The following LSAMP variants were observed in gnomAD, a reference collection of about 807,000 sequenced individuals.
LSAMP encodes limbic system-associated membrane protein.
Under a neutral mutation model 38.6 loss-of-function variants are expected in LSAMP, and 7 were observed. That is an observed-to-expected ratio of 0.18 (90% confidence interval 0.10 to 0.34). The LOEUF is 0.34. LSAMP is among the 10% of genes least tolerant of loss of function. The pLI, the probability that LSAMP is intolerant of heterozygous loss-of-function variation, is 1.00. For synonymous variants in LSAMP, 154 were observed against 166.8 expected, an observed-to-expected ratio of 0.92 and a Z score of 0.59; for missense variants, 313 against 420.0, an observed-to-expected ratio of 0.75 and a Z score of 2.23.
intron 3 of LSAMP, among the ~76,000 whole-genome samples, chr3:115,922,691 T>G (rs1033089421): frequency 6.6e-6 from 1 of 152,174 alleles, no homozygotes; most frequent in African/African-American, 2.4e-5. Flanking sequence ...TAGACTTGCT[T>G]TTACTGGGGA....
At chr3:116,090,224 A>AG (rs927954003) in intron 1 of LSAMP, among the ~76,000 whole-genome samples, 2 of 151,832 alleles carry the variant, frequency 1.3e-5, no homozygotes, top group Admixed American at 6.6e-5. Flanking sequence ...AAAAAAAAAA[A>AG]AGAAAGAGAA....
intron 3 of LSAMP, among the ~76,000 whole-genome samples, chr3:115,998,205 A>C (rs1217348111): frequency 6.6e-6 from 1 of 151,890 alleles, no homozygotes; most frequent in Non-Finnish European, 1.5e-5. Flanking sequence ...GAGTGACCAA[A>C]TTATGTAGGG....
intron 2 of LSAMP, among the ~76,000 whole-genome samples, chr3:116,067,656 C>T (rs936083090): frequency 1.3e-5 from 2 of 152,126 alleles, no homozygotes; most frequent in Non-Finnish European, 2.9e-5. Flanking sequence ...GTTTTCTCCC[C>T]TTTTTAACTC....
intron 1 of LSAMP, among the ~76,000 whole-genome samples, chr3:116,275,949 T>C (rs1204954785): frequency 6.6e-6 from 1 of 152,230 alleles, no homozygotes; most frequent in East Asian, 1.9e-4. Flanking sequence ...CATTTCATTA[T>C]GTAAATTACG....
At chr3:116,134,704 C>T (rs912604890) in intron 1 of LSAMP, among the ~76,000 whole-genome samples, 46 of 152,278 alleles carry the variant, frequency 3.0e-4, no homozygotes, top group African/African-American at 1.1e-3. Context: ...AGCCTCTTTC[C>T]ATCCTCCAGT....
At chr3:115,815,963 C>T (rs547898934) in intron 6 of LSAMP, among the ~76,000 whole-genome samples, 2 of 152,172 alleles carry the variant, frequency 1.3e-5, no homozygotes, top group South Asian at 2.1e-4. Context: ...ATGTAAGTTC[C>T]GCAAGAATAG....
At chr3:116,274,602 T>C (rs2047022219) in intron 1 of LSAMP, among the ~76,000 whole-genome samples, 1 of 152,140 alleles carries the variant, frequency 6.6e-6, no homozygotes, top group Non-Finnish European at 1.5e-5. Flanking sequence ...TTCTCATCCC[T>C]CCACCTACTT....
At chr3:116,097,199 C>G (rs976345109) in intron 1 of LSAMP, among the ~76,000 whole-genome samples, 1 of 139,134 alleles carries the variant, frequency 7.2e-6, no homozygotes, top group Admixed American at 6.9e-5. Flanking sequence ...ATACCAAAAG[C>G]ATTGCTAAGT....
chr3:116,171,948 G>A (rs558670634), intron 1 of LSAMP, among the ~76,000 whole-genome samples: 64 of 152,112 alleles, frequency 4.2e-4, no homozygotes, highest in Admixed American at 9.2e-4. Context: ...TTCATGGGGT[G>A]AGCATCCATT....
chr3:116,055,588 C>A (rs1488938571), intron 2 of LSAMP, among the ~76,000 whole-genome samples: 1 of 152,100 alleles, frequency 6.6e-6, no homozygotes, highest in African/African-American at 2.4e-5. Flanking sequence ...TTGACAATGC[C>A]CTCTACTCAC....
At chr3:116,152,716 A>C (rs1418476531) in intron 1 of LSAMP, among the ~76,000 whole-genome samples, 1 of 152,130 alleles carries the variant, frequency 6.6e-6, no homozygotes, top group Non-Finnish European at 1.5e-5. Flanking sequence ...AAAGAAGATC[A>C]TGTGAGTTGG....
chr3:115,866,508 C>CT (rs1351560161), intron 3 of LSAMP, among the ~76,000 whole-genome samples: 1 of 152,068 alleles, frequency 6.6e-6, no homozygotes, highest in Non-Finnish European at 1.5e-5. Flanking sequence ...ACAAAAGCAC[C>CT]TTTGATGGGT....
chr3:116,144,798 T>C (rs1301970447), intron 1 of LSAMP, among the ~76,000 whole-genome samples: 1 of 151,914 alleles, frequency 6.6e-6, no homozygotes, highest in African/African-American at 2.4e-5. Flanking sequence ...GTGCTTTTGT[T>C]TGTTTCAAAC....
At chr3:116,021,710 A>G (rs1260418144) in intron 2 of LSAMP, among the ~76,000 whole-genome samples, 1 of 152,124 alleles carries the variant, frequency 6.6e-6, no homozygotes, top group Non-Finnish European at 1.5e-5. Context: ...TCCCTAATAT[A>G]AAACCATGCA....
intron 2 of LSAMP, among the ~76,000 whole-genome samples, chr3:116,036,741 C>T (rs976843545): frequency 2.6e-5 from 4 of 152,136 alleles, no homozygotes; most frequent in Non-Finnish European, 5.9e-5. Flanking sequence ...AAATGGCATT[C>T]TCATCAATAG....
intron 1 of LSAMP, among the ~76,000 whole-genome samples, chr3:116,275,707 A>G (rs1020026199): frequency 6.6e-6 from 1 of 152,116 alleles, no homozygotes; most frequent in African/African-American, 2.4e-5. Flanking sequence ...CAAGAAGACT[A>G]AATCATTGCT....
chr3:116,354,847 G>GTA (rs2107770181), intron 1 of LSAMP, among the ~76,000 whole-genome samples: 1 of 25,144 alleles, frequency 4.0e-5, no homozygotes, highest in East Asian at 6.1e-3. Context: ...GTGTATATAT[G>GTA]TGTGTGTGTG....
chr3:115,910,982 A>G (rs997910731), intron 3 of LSAMP, among the ~76,000 whole-genome samples: 9 of 152,188 alleles, frequency 5.9e-5, no homozygotes, highest in Admixed American at 1.3e-4. Context: ...TGCTCCCAAC[A>G]CTTAGGAATT....
intron 1 of LSAMP, among the ~76,000 whole-genome samples, chr3:116,246,417 A>T (rs1289705764): frequency 2.6e-5 from 4 of 152,234 alleles, no homozygotes; most frequent in Non-Finnish European, 5.9e-5. Flanking sequence ...TGCACACAAC[A>T]GCAGTCCACA....
Sources: gnomAD v4.1 joint callset for allele counts (sites outside exome capture counted in the v4.1 genomes callset) on GRCh38, gnomAD v4.1.1 for gene constraint, MANE v1.5 for transcripts, NCBI Gene and HGNC (gene_info 2026-07-23, HGNC 2026-07-21) for gene names.